Variants in LRRC4C observed in about 807,000 individuals in gnomAD.
The protein encoded by LRRC4C is leucine-rich repeat-containing protein 4C.
A neutral mutation model predicts 33.6 loss-of-function variants in LRRC4C; 5 were observed. The ratio of observed to expected loss-of-function variants is 0.15; its 90% confidence interval spans 0.08 to 0.31. The LOEUF (loss-of-function observed/expected upper bound fraction) is 0.31. Ranked by LOEUF, LRRC4C falls within the 10% of genes least tolerant of loss-of-function variation. The pLI, the probability that LRRC4C is intolerant of heterozygous loss-of-function variation, is 1.00. For missense variants in LRRC4C, 560 were observed against 796.7 expected (o/e 0.70, Z 3.58); for synonymous variants, 329 against 302.0 (o/e 1.09, Z -0.93).
At chr11:40,987,161 T>C (rs978992208) in intron 1 of LRRC4C, among the ~76,000 whole-genome samples, 3 of 152,178 alleles carry the variant, frequency 2.0e-5, no homozygotes, top group African/African-American at 7.2e-5. Context: ...CCTTCTAGTC[T>C]TTGGTACAAG....
intron 2 of LRRC4C, among the ~76,000 whole-genome samples, chr11:40,772,465 C>A (rs1297443590): frequency 6.6e-6 from 1 of 152,192 alleles, no homozygotes; most frequent in Non-Finnish European, 1.5e-5. Context: ...GAGTAAGAAG[C>A]AGAATGTATA....
At chr11:40,561,381 C>CATCTTTAT (rs1396499811) in intron 3 of LRRC4C, among the ~76,000 whole-genome samples, 1 of 145,056 alleles carries the variant, frequency 6.9e-6, no homozygotes, top group East Asian at 2.1e-4. Context: ...ACTAGCGGAT[C>CATCTTTAT]ATCTTTATTC....
intron 1 of LRRC4C, among the ~76,000 whole-genome samples, chr11:41,410,905 C>T (rs937799309): frequency 6.6e-6 from 1 of 151,550 alleles, no homozygotes; most frequent in African/African-American, 2.4e-5. Context: ...CTGATGGGAC[C>T]TTTTTAAAGA....
chr11:41,266,093 G>C (rs1446243698), intron 1 of LRRC4C, among the ~76,000 whole-genome samples: 1 of 152,132 alleles, frequency 6.6e-6, no homozygotes, highest in South Asian at 2.1e-4. Context: ...TAATTGGAGA[G>C]AGTTTGCTCA....
intron 1 of LRRC4C, among the ~76,000 whole-genome samples, chr11:41,147,098 T>C (rs773471759): frequency 1.3e-5 from 2 of 152,236 alleles, no homozygotes; most frequent in Non-Finnish European, 2.9e-5. Context: ...ATTATTTTTC[T>C]GGTGTTCCTC....
intron 2 of LRRC4C, among the ~76,000 whole-genome samples, chr11:40,719,270 T>C (rs114371232): frequency 1.1e-4 from 16 of 152,354 alleles, no homozygotes; most frequent in African/African-American, 3.8e-4. Flanking sequence ...CATTTTGCCA[T>C]AGTAGTGAAT....
At chr11:40,582,513 GT>G (rs35497785) in intron 3 of LRRC4C, among the ~76,000 whole-genome samples, 8,200 of 115,556 alleles carry the variant, frequency 0.071, 362 homozygotes, top group African/African-American at 0.14. Context: ...CCCTTGTTCA[GT>G]TTTTTTTTTT....
At chr11:40,424,698 G>A (rs145676057) in intron 3 of LRRC4C, among the ~76,000 whole-genome samples, 1 of 152,134 alleles carries the variant, frequency 6.6e-6, no homozygotes, top group Non-Finnish European at 1.5e-5. Flanking sequence ...AATATGGAAT[G>A]ATGTCAAGTG....
At position 40,827,532 on chromosome 11, in the gene LRRC4C, A is replaced by G. The variant is rs576465590; in HGVS notation, c.-407+106103T>C. Among the ~76,000 whole-genome samples, 38 of 152,018 alleles carry G rather than the reference A, an allele frequency of 2.5e-4. 1 individual carries two copies. Among genetic ancestry groups the G allele is most frequent in the Non-Finnish European group, 2.9e-5 (2 of 67,864 alleles). ...AGACTTACACTGACTCTTTGAGGTT[A>G]ACTGAAACCTAATAATATTAAAACC... On this transcript the variant is annotated intron_variant, in intron 2 of 6. Transcript: ENST00000528697.
Position 40,887,050 on chromosome 11 carries a change from T to C in LRRC4C, c.-407+46585A>G, listed in dbSNP as rs115988426. Among the ~76,000 whole-genome samples the C allele has an allele frequency of 2.2e-3, 338 of 150,590 alleles. 2 individuals carry two copies. The highest frequency in any genetic ancestry group is 7.6e-3 in the African/African-American group (313 of 41,052). On this transcript the variant is annotated intron_variant, in intron 2 of 6. Transcript: ENST00000528697. The stretch of plus-strand genomic sequence containing the variant: ...AAAATATATATATACATATAGAAAG[T>C]AGCCAGGGTACCAAGTCTTTACTTA...
chr11:41,137,567 T>A (rs1242895595), intron 1 of LRRC4C, among the ~76,000 whole-genome samples: 1 of 152,172 alleles, frequency 6.6e-6, no homozygotes, highest in African/African-American at 2.4e-5. Flanking sequence ...AAGAGTGATC[T>A]TTCCATCATC....
At chr11:41,176,164 A>C (rs1945189758) in intron 1 of LRRC4C, among the ~76,000 whole-genome samples, 1 of 152,244 alleles carries the variant, frequency 6.6e-6, no homozygotes, top group Admixed American at 6.5e-5. Flanking sequence ...ACACAAAGTA[A>C]GCATTAATTA....
intron 2 of LRRC4C, among the ~76,000 whole-genome samples, chr11:40,712,749 C>G (rs985401151): frequency 4.6e-5 from 7 of 152,030 alleles, no homozygotes; most frequent in Non-Finnish European, 1.0e-4. Flanking sequence ...AGAAACATAC[C>G]AGACTAGAAT....
At chr11:41,058,084 G>A (rs540271491) in intron 1 of LRRC4C, among the ~76,000 whole-genome samples, 1 of 152,354 alleles carries the variant, frequency 6.6e-6, no homozygotes, top group African/African-American at 2.4e-5. Context: ...TAAAAGAACT[G>A]TAAAACAAAC....
intron 5 of LRRC4C, among the ~76,000 whole-genome samples, chr11:40,153,596 AAC>A (rs1192273001): frequency 6.6e-6 from 1 of 151,152 alleles, no homozygotes; most frequent in South Asian, 2.1e-4. Context: ...TAAAAAAAAA[AAC>A]AATAAAAAAT....
At chr11:41,449,132 C>A (rs1175653369) in intron 1 of LRRC4C, among the ~76,000 whole-genome samples, 1 of 152,074 alleles carries the variant, frequency 6.6e-6, no homozygotes, top group Admixed American at 6.5e-5. Context: ...AGAAGCATTG[C>A]CTCTAATTTG....
chr11:41,451,349 C>CATAGAT (rs200306680), intron 1 of LRRC4C, among the ~76,000 whole-genome samples: 7,335 of 151,812 alleles, frequency 0.048, 234 homozygotes, highest in Non-Finnish European at 0.075. Flanking sequence ...CATAGACATA[C>CATAGAT]ATAGATATAG....
At chr11:40,809,274 C>A (rs1265785658) in intron 2 of LRRC4C, among the ~76,000 whole-genome samples, 1 of 152,152 alleles carries the variant, frequency 6.6e-6, no homozygotes, top group Non-Finnish European at 1.5e-5. Flanking sequence ...GAATGAACTG[C>A]ATAGAGATAA....
At chr11:40,452,257 G>T (rs1408847402) in intron 3 of LRRC4C, among the ~76,000 whole-genome samples, 1 of 152,044 alleles carries the variant, frequency 6.6e-6, no homozygotes, top group African/African-American at 2.4e-5. Flanking sequence ...TACAGAATGG[G>T]AGAAAATTTT....
Sources: allele counts gnomAD v4.1 joint callset (sites outside exome capture counted in the v4.1 genomes callset), GRCh38; gene constraint gnomAD v4.1.1; transcripts MANE v1.5; gene names NCBI Gene and HGNC (gene_info 2026-07-23, HGNC 2026-07-21).